The following STAB1 variants were observed in gnomAD, a reference collection of about 807,000 sequenced individuals.
The protein encoded by STAB1 is stabilin-1.
A neutral mutation model predicts 332.4 loss-of-function variants in STAB1; 250 were observed. The observed-to-expected ratio is 0.75, with a 90% CI of 0.68 to 0.84. STAB1 has a LOEUF of 0.84. Ranked by LOEUF, STAB1 falls within the 40% of genes least tolerant of loss-of-function variation. STAB1 has a pLI of 0.00. For missense variants in STAB1, 3,249 were observed against 3,489.7 expected, an observed-to-expected ratio of 0.93 and a Z score of 1.74; for synonymous variants, 1,475 against 1,390.4, an observed-to-expected ratio of 1.06 and a Z score of -1.35.
Position 52,522,657 on chromosome 3 carries a change from C to T in STAB1, c.6713C>T (p.Ala2238Val). The T allele has an allele frequency of 6.2e-7, 1 of 1,612,948 alleles. No individual in the cohort carries two copies. Among genetic ancestry groups the T allele is most frequent in the Middle Eastern group, 1.6e-4 (1 of 6,062 alleles). The change falls in exon 61 of 69, where the codon GCT (alanine) becomes GTT (valine). Residue 2238 changes from alanine to valine, a missense_variant. Ala to Val is a moderately conservative substitution (Grantham distance 64, BLOSUM62 0). Transcript: ENST00000321725. ...TGCGAAGCACAGGGAGCCGTCCTTG[C>T]TTCATTCCCTCAGCTCTCTGCTGCC... The part of the protein sequence containing the change: ...AACEAQGAVL[A>V]SFPQLSAAQQ...
At chr3:52,497,159 C>T (rs554113644) in intron 1 of STAB1, among the ~76,000 whole-genome samples, 1 of 152,092 alleles carries the variant, frequency 6.6e-6, no homozygotes, top group South Asian at 2.1e-4. Context: ...CGCCACCACA[C>T]CCAGCTAATT....
intron 26 of STAB1, among the ~76,000 whole-genome samples, chr3:52,512,126 A>G (rs1709339746): frequency 6.6e-6 from 1 of 152,352 alleles, no homozygotes; most frequent in African/African-American, 2.4e-5. Flanking sequence ...GCTCCCTCGC[A>G]TCCACCTGGC....
chr3:52,500,245 C>T (rs1394901194), intron 1 of STAB1, among the ~76,000 whole-genome samples: 1 of 152,238 alleles, frequency 6.6e-6, no homozygotes, highest in Admixed American at 6.5e-5. Context: ...TTTGCTTCTG[C>T]TGTCCCCTAG....
At chr3:52,509,750 C>A in intron 22 of STAB1, 120 bp from the exon 23 acceptor site, 1 of 1,068,652 alleles carries the variant, frequency 9.4e-7, no homozygotes, top group Non-Finnish European at 1.4e-6. Flanking sequence ...CTGATTTTTC[C>A]ACCCTGAAGT....
In STAB1 at chr3:52,522,138, G is replaced by T; in HGVS notation, c.6373G>T (p.Gly2125Cys). 6.2e-7 allele frequency: 1 copy of T among 1,612,986 alleles called. No individual in the cohort carries two copies. The highest frequency in any genetic ancestry group is 8.5e-7 in the Non-Finnish European group (1 of 1,180,016). Residue 2125 changes from glycine to cysteine, a missense_variant, in exon 59 of 69, where the codon GGT becomes TGT. Physicochemically the swap from Gly to Cys is radical, Grantham distance 159. Coordinates refer to ENST00000321725, the MANE Select transcript of STAB1 (RefSeq NM_015136.3). ...VTCTCLPDYE[G>C]DGWSCRARNP... ...TTGTACCTGCCTGCCCGACTACGAG[G>T]GTGATGGCTGGAGCTGCCGGGCCCG...
intron 1 of STAB1, among the ~76,000 whole-genome samples, chr3:52,499,891 T>A (rs1468647178): frequency 2.9e-5 from 1 of 34,080 alleles, no homozygotes; most frequent in Non-Finnish European, 5.1e-5. Context: ...AGAGCGAGAC[T>A]CCATCTCAAA....
In STAB1 at chr3:52,505,731, G is replaced by A; in HGVS notation, c.1645G>A (p.Glu549Lys). Residue 549 changes from glutamate (E) to lysine (K), a missense_variant, in exon 15 of 69, where the codon GAG becomes AAG. By Grantham distance (56) the Glu-to-Lys change is moderately conservative. Transcript: ENST00000321725. ...CTTCACAGTCTTTGCCCCAAGCAAT[G>A]AGGCTGTGGACAGCTTGCGTGACGG... The part of the protein sequence containing the change: ...GPFTVFAPSN[E>K]AVDSLRDGRL... 1 of 1,613,904 alleles carries A rather than the reference G, an allele frequency of 6.2e-7. No individual in the cohort carries two copies. Among genetic ancestry groups the A allele is most frequent in the Non-Finnish European group, 8.5e-7 (1 of 1,180,046 alleles).
Position 52,517,166 on chromosome 3 carries a change from T to C in STAB1, c.4489+57T>C, listed in dbSNP as rs533801637. 237 of 1,512,126 alleles carry C rather than the reference T, an allele frequency of 1.6e-4. 1 individual carries two copies. The South Asian group carries it at 2.5e-3, about 16-fold the overall frequency. 93.7% of individuals were successfully genotyped at this position (1,512,126 alleles called of 1,614,324 possible). A position where few individuals can be genotyped will look rare whatever the true frequency, so the allele number is the denominator to read the frequency against. ...TGGGCTAGGGGTCTGGCTTCAGTGA[T>C]CTGAGTCAGATTAGGAAGGGCTGAA... On this transcript the variant is annotated intron_variant, in intron 42 of 68. Coordinates refer to ENST00000321725, the MANE Select transcript of STAB1 (RefSeq NM_015136.3).
At position 52,518,621 on chromosome 3, in the gene STAB1, G is replaced by GC; in HGVS notation, c.4887+13dup. ...ATGAGCAACCTGTCGCAGGTATGCA[G>GC]CCCCCAGAGCGAGGCTGGGCAGGGC... is the stretch of plus-strand genomic sequence containing the variant. On this transcript the variant is annotated intron_variant, in intron 47 of 68. Transcript: ENST00000321725. The GC allele has an allele frequency of 6.2e-7, 1 of 1,608,600 alleles. No homozygotes were observed. Among genetic ancestry groups the GC allele is most frequent in the Non-Finnish European group, 8.5e-7 (1 of 1,178,008 alleles).
intron 30 of STAB1, 64 bp from the exon 31 acceptor site, chr3:52,513,653 G>A: frequency 6.6e-7 from 1 of 1,521,582 alleles, no homozygotes. Flanking sequence ...CTCTGTTGGG[G>A]CTGCCCCACC....
At chr3:52,513,283 C>T in intron 30 of STAB1, 42 bp downstream of exon 30, 1 of 1,526,726 alleles carries the variant, frequency 6.5e-7, no homozygotes, top group Non-Finnish European at 8.8e-7. Context: ...CCAGGTAGGG[C>T]ATGGGAGGGA....
chr3:52,515,469 C>A lies in STAB1; in HGVS notation c.3911C>A (p.Ser1304Tyr), dbSNP rs147623667. The change falls in exon 37 of 69, where the codon TCC becomes TAC. Residue 1304 changes from serine to tyrosine, a missense_variant. Transcript: ENST00000321725. Reference protein sequence around the residue: ...SCVYRSGFSFSRGCSYTCAKK... With the variant: ...SCVYRSGFSFYRGCSYTCAKK... ...GTCTACCGATCTGGCTTCTCCTTCT[C>A]CCGGGGCTGCTCTTACACATGTGCC... 6.2e-7 allele frequency: 1 copy of A among 1,613,546 alleles called. No homozygotes were observed. Among genetic ancestry groups the A allele is most frequent in the Non-Finnish European group, 8.5e-7 (1 of 1,180,018 alleles).
intron 37 of STAB1, 102 bp from the exon 38 acceptor site, chr3:52,515,941 G>A (rs1246261251): frequency 7.4e-7 from 1 of 1,342,616 alleles, no homozygotes; most frequent in African/African-American, 1.5e-5. Context: ...GTTCTGAGGG[G>A]TTTTGCTCCA....
intron 2 of STAB1, 120 bp downstream of exon 2, chr3:52,501,422 C>G: frequency 6.8e-7 from 1 of 1,472,598 alleles, no homozygotes. Context: ...GCCCCTGTGG[C>G]CCCACCTGGG....
At chr3:52,500,990 G>A (rs1483157939) in intron 1 of STAB1, among the ~76,000 whole-genome samples, 176 bp from the exon 2 acceptor site, 1 of 152,226 alleles carries the variant, frequency 6.6e-6, no homozygotes, top group African/African-American at 2.4e-5. Context: ...CGCCCCCAGG[G>A]CATTCTGTGG....
intron 45 of STAB1, 117 bp from the exon 46 acceptor site, chr3:52,518,195 C>T (rs1046940387): frequency 5.8e-5 from 90 of 1,540,686 alleles, no homozygotes; most frequent in Non-Finnish European, 7.3e-5. Context: ...ACTCAGACCC[C>T]GCGGCTTTCC....
At chr3:52,515,221 G>A (rs1228086952) in intron 36 of STAB1, among the ~76,000 whole-genome samples, 176 bp downstream of exon 36, 2 of 152,176 alleles carry the variant, frequency 1.3e-5, no homozygotes, top group Admixed American at 6.5e-5. Context: ...TCTGCTGAGG[G>A]GAGACTCTCT....
At chr3:52,504,200 A>G in intron 10 of STAB1, 45 bp downstream of exon 10, 1 of 1,556,252 alleles carries the variant, frequency 6.4e-7, no homozygotes. Flanking sequence ...CCTCACCCCC[A>G]GCACAGTTGG....
At chr3:52,518,382 T>C (rs2078948358) in intron 46 of STAB1, 23 bp downstream of exon 46, 1 of 1,610,066 alleles carries the variant, frequency 6.2e-7, no homozygotes, top group Admixed American at 1.7e-5. Flanking sequence ...CTTGGGCCTC[T>C]GTGACCTGCA....
Sources: allele counts gnomAD v4.1 joint callset (sites outside exome capture counted in the v4.1 genomes callset), GRCh38; gene constraint gnomAD v4.1.1; transcripts MANE v1.5; gene names NCBI Gene and HGNC (gene_info 2026-07-23, HGNC 2026-07-21).